Variants in CEP350 observed in about 807,000 individuals in gnomAD.
CEP350 encodes centrosomal protein 350, also known as centrosome-associated protein 350.
A neutral mutation model predicts 331.8 loss-of-function variants in CEP350; 126 were observed. That is an observed-to-expected ratio of 0.38 (90% confidence interval 0.33 to 0.44). CEP350 has a LOEUF of 0.44. Ranked by LOEUF, CEP350 falls within the 20% of genes least tolerant of loss-of-function variation. The pLI, the probability that CEP350 is intolerant of heterozygous loss-of-function variation, is 1.00. For missense variants in CEP350, 3,406 were observed against 3,634.6 expected, an observed-to-expected ratio of 0.94 and a Z score of 1.62; for synonymous variants, 1,200 against 1,259.5, an observed-to-expected ratio of 0.95 and a Z score of 1.00.
intron 16 of CEP350, among the ~76,000 whole-genome samples, chr1:180,034,782 A>G (rs565883492): frequency 6.6e-6 from 1 of 151,650 alleles, no homozygotes; most frequent in Non-Finnish European, 1.5e-5. Flanking sequence ...CCCCTCTTCA[A>G]CCCTCCCTCT....
chr1:179,981,427 G>T (rs1012156349), intron 1 of CEP350, among the ~76,000 whole-genome samples: 5 of 152,130 alleles, frequency 3.3e-5, no homozygotes, highest in Admixed American at 6.5e-5. Context: ...TGGGAAAAAG[G>T]CCTTATGCAA....
intron 25 of CEP350, among the ~76,000 whole-genome samples, chr1:180,059,202 C>T (rs1449528918): frequency 6.6e-6 from 1 of 152,158 alleles, no homozygotes; most frequent in South Asian, 2.1e-4. Context: ...AGTTTCAAAA[C>T]GTACTCTGTG....
chr1:180,051,477 A>G (rs762795674), intron 22 of CEP350, among the ~76,000 whole-genome samples: 62 of 152,192 alleles, frequency 4.1e-4, no homozygotes, highest in Non-Finnish European at 1.2e-4. Flanking sequence ...AAGAGGATGC[A>G]CGGAGCAACG....
chr1:179,958,195 A>G (rs557440907), intron 1 of CEP350, among the ~76,000 whole-genome samples: 1 of 152,310 alleles, frequency 6.6e-6, no homozygotes, highest in South Asian at 2.1e-4. Flanking sequence ...TAACTTAAAA[A>G]TGAATCTGAA....
chr1:180,110,860 A>G (rs1661432312), intron 37 of CEP350, 137 bp from the exon 38 acceptor site: 8 of 696,588 alleles, frequency 1.1e-5, no homozygotes, highest in Non-Finnish European at 1.9e-5. Context: ...GGGTATTGAT[A>G]TCATATGAAT....
intron 28 of CEP350, among the ~76,000 whole-genome samples, chr1:180,076,550 A>G (rs949922711): frequency 6.6e-6 from 1 of 152,220 alleles, no homozygotes; most frequent in Non-Finnish European, 1.5e-5. Context: ...ACACTTTGGG[A>G]GGCTGAGGTG....
At chr1:180,045,789 A>G (rs1354481493) in intron 21 of CEP350, among the ~76,000 whole-genome samples, 2 of 152,216 alleles carry the variant, frequency 1.3e-5, no homozygotes, top group Admixed American at 6.5e-5. Context: ...AATCTTCAGT[A>G]TCCCTCAGAA....
chr1:179,956,168 G>GTTCC (rs965589494), intron 1 of CEP350, among the ~76,000 whole-genome samples: 41 of 152,306 alleles, frequency 2.7e-4, no homozygotes, highest in Admixed American at 6.5e-4. Flanking sequence ...CATGCTGGAA[G>GTTCC]TTGCTTCAAA....
Position 180,024,686 on chromosome 1 carries a change from G to T in CEP350, c.3550+104G>T. On this transcript the variant is annotated intron_variant, in intron 14 of 37. Coordinates refer to ENST00000367607, the MANE Select transcript of CEP350 (RefSeq NM_014810.5). ...ATAAGAAGTTAGAAGAATTTCTTAT[G>T]GTAATGTAATTAGCTTTCATATTTA... 8 of 1,273,266 alleles carry T rather than the reference G, an allele frequency of 6.3e-6. No homozygotes were observed. The South Asian group carries it at 7.5e-5, about 12-fold the overall frequency. 78.9% of individuals were successfully genotyped at this position (1,273,266 alleles called of 1,614,324 possible).
chr1:180,020,006 C>T lies in CEP350; in HGVS notation c.2232C>T (p.His744=). ...MQPERLSPQV[H]HSQPQPFAGT... ...CTGAAAGATTGAGCCCACAAGTTCA[C>T]CATTCTCAACCACAGCCTTTTGCTG... The change falls in exon 12 of 38, where the codon CAC becomes CAT. Residue 744 remains histidine, a synonymous_variant. Coordinates refer to ENST00000367607, the MANE Select transcript of CEP350 (RefSeq NM_014810.5). The T allele has an allele frequency of 6.2e-7, 1 of 1,613,534 alleles. No individual in the cohort carries two copies. The highest frequency in any genetic ancestry group is 8.5e-7 in the Non-Finnish European group (1 of 1,179,682).
chr1:180,091,254 C>G (rs1025617329), intron 33 of CEP350, among the ~76,000 whole-genome samples: 6 of 151,712 alleles, frequency 4.0e-5, no homozygotes, highest in Non-Finnish European at 8.8e-5. Context: ...CTTGGACTCA[C>G]GCAGTCCTCC....
intron 25 of CEP350, among the ~76,000 whole-genome samples, chr1:180,054,834 AATT>A (rs1344147387): frequency 1.3e-5 from 2 of 152,312 alleles, no homozygotes; most frequent in African/African-American, 2.4e-5. Context: ...TTAAATTTTA[AATT>A]ATTGTTTCCC....
intron 36 of CEP350, among the ~76,000 whole-genome samples, chr1:180,097,785 A>AT (rs142283453): frequency 0.017 from 2,558 of 152,266 alleles, 74 homozygotes; most frequent in African/African-American, 0.058. Context: ...AAGTGTTGAT[A>AT]TTTTTTAATT....
intron 16 of CEP350, among the ~76,000 whole-genome samples, chr1:180,036,561 G>C (rs892603108): frequency 6.6e-6 from 1 of 152,102 alleles, no homozygotes; most frequent in Non-Finnish European, 1.5e-5. Context: ...AAAAAGATTA[G>C]GACTTGCTGA....
rs267598214 is a variant in CEP350, at chr1:180,080,609, C to T, written c.6072C>T (p.Ser2024=). 1 of 1,613,810 alleles carries T rather than the reference C, an allele frequency of 6.2e-7. No individual in the cohort carries two copies. Among genetic ancestry groups the T allele is most frequent in the East Asian group, 2.2e-5 (1 of 44,864 alleles). The part of the protein sequence containing the change: ...TGGQCHLPIK[S]HQHCYSWSDE... ...GACAATGTCACCTGCCTATCAAGTCCCATCAGCACTGTTATAGTTGGTCAG... is the reference window on the plus strand; with the variant it reads ...GACAATGTCACCTGCCTATCAAGTCTCATCAGCACTGTTATAGTTGGTCAG... Residue 2024 remains serine, a synonymous_variant, in exon 30 of 38, where the codon TCC becomes TCT. Coordinates refer to ENST00000367607, the MANE Select transcript of CEP350 (RefSeq NM_014810.5).
chr1:179,981,224 C>T (rs1207350956), intron 1 of CEP350, among the ~76,000 whole-genome samples: 4 of 152,088 alleles, frequency 2.6e-5, no homozygotes, highest in Admixed American at 2.0e-4. Flanking sequence ...TCTCTTAATT[C>T]TTGGCAAATT....
intron 28 of CEP350, among the ~76,000 whole-genome samples, chr1:180,077,607 C>T (rs893216018): frequency 5.1e-5 from 7 of 137,608 alleles, no homozygotes; most frequent in African/African-American, 1.9e-4. Context: ...GTCGAGGCTG[C>T]AGTGACCTGT....
intron 11 of CEP350, among the ~76,000 whole-genome samples, chr1:180,019,733 A>G (rs745723492): frequency 1.6e-4 from 24 of 152,220 alleles, no homozygotes; most frequent in Non-Finnish European, 2.5e-4. Context: ...AACATAATGT[A>G]CAAATAGAAA....
At position 180,019,414 on chromosome 1, in the gene CEP350, G is replaced by A. The variant is rs558524592; in HGVS notation, c.2175-535G>A. 3.3e-5 allele frequency among the ~76,000 whole-genome samples: 5 copies of A among 152,088 alleles called. No homozygotes were observed. In the South Asian group the frequency reaches 1.0e-3, roughly 32 times the overall value. On this transcript the variant is annotated intron_variant, in intron 11 of 37. Coordinates refer to ENST00000367607, the MANE Select transcript of CEP350 (RefSeq NM_014810.5). ...ATTAATTTTTTACAAGTATTAATAG[G>A]TTATAATAACCTCCCTATTTAGCAT...
Sources: gnomAD v4.1 joint callset for allele counts (sites outside exome capture counted in the v4.1 genomes callset) on GRCh38, gnomAD v4.1.1 for gene constraint, MANE v1.5 for transcripts, NCBI Gene and HGNC (gene_info 2026-07-23, HGNC 2026-07-21) for gene names.